EIF2AK4: variants seen among roughly 807,000 people sequenced by gnomAD.
EIF2AK4 encodes the protein eIF-2-alpha kinase GCN2.
In EIF2AK4, 139 loss-of-function variants were observed where a neutral mutation model predicts 211.1. That is an observed-to-expected ratio of 0.66 (90% CI 0.57 to 0.76). The LOEUF (loss-of-function observed/expected upper bound fraction) is 0.76, where lower values mean the gene tolerates loss of function less well. Among genes scored for constraint, EIF2AK4 ranks in the 30% least tolerant of loss-of-function variants. EIF2AK4 has a pLI of 0.00. For missense variants in EIF2AK4, 1,664 were observed against 2,043.8 expected (o/e 0.81, Z 3.58); for synonymous variants, 710 against 751.3 (o/e 0.94, Z 0.90).
rs544997641 is a variant in EIF2AK4, at chr15:39,995,141, C to T, written c.2767-1823C>T. Among the ~76,000 whole-genome samples, 98 of 152,130 alleles carry T rather than the reference C, an allele frequency of 6.4e-4. 1 individual carries two copies. Among genetic ancestry groups the T allele is most frequent in the Non-Finnish European group, 1.3e-3 (89 of 68,010 alleles). On this transcript the variant is annotated intron_variant, in intron 18 of 38. Coordinates refer to ENST00000263791, the MANE Select transcript of EIF2AK4 (RefSeq NM_001013703.4). ...ACAGGCATGAGCCACTGCACCTGGCCGTATATACATATTTTTTTAAAAAAC... is the reference window on the plus strand; with the variant it reads ...ACAGGCATGAGCCACTGCACCTGGCTGTATATACATATTTTTTTAAAAAAC...
At chr15:40,032,061 C>A in intron 35 of EIF2AK4, 108 bp from the exon 36 acceptor site, 1 of 969,376 alleles carries the variant, frequency 1.0e-6, no homozygotes. Context: ...GGAATCCTTT[C>A]TAGGCTTTGG....
Position 39,997,022 on chromosome 15 carries a change from T to C in EIF2AK4, c.2825T>C (p.Val942Ala). The C allele has an allele frequency of 5.6e-6, 9 of 1,614,102 alleles. No individual in the cohort carries two copies. The highest frequency in any genetic ancestry group is 6.8e-6 in the Non-Finnish European group (8 of 1,179,988). Residue 942 changes from valine (V) to alanine (A), a missense_variant, in exon 19 of 39, where the codon GTC (valine) becomes GCC (alanine). Val to Ala is a moderately conservative substitution (Grantham distance 64). This residue lies in a region of EIF2AK4 where 622 missense variants were observed against 796.8 expected (regional missense o/e 0.78). Transcript: ENST00000263791. ...IFFEMSYHPM[V>A]TASERIFVLN... Reference sequence around the variant, plus strand: ...TTTGAGATGTCCTATCACCCCATGGTCACGGCTTCAGAAAGGATCTTTGTT... The same window carrying C: ...TTTGAGATGTCCTATCACCCCATGGCCACGGCTTCAGAAAGGATCTTTGTT...
intron 18 of EIF2AK4, among the ~76,000 whole-genome samples, chr15:39,996,175 A>G (rs1310507726): frequency 6.6e-6 from 1 of 152,214 alleles, no homozygotes; most frequent in African/African-American, 2.4e-5. Flanking sequence ...CTATGTTGTC[A>G]CAAATGGCAA....
intron 33 of EIF2AK4, 121 bp downstream of exon 33, chr15:40,026,210 T>G: frequency 1.2e-6 from 1 of 830,970 alleles, no homozygotes; most frequent in Non-Finnish European, 1.9e-6. Context: ...ATCCCAGCAC[T>G]TTGGGAGGCC....
At chr15:39,994,836 A>G (rs1388599187) in intron 18 of EIF2AK4, among the ~76,000 whole-genome samples, 1 of 151,072 alleles carries the variant, frequency 6.6e-6, no homozygotes, top group East Asian at 2.0e-4. Context: ...CTTTAGTGTC[A>G]TTATTATTAT....
At chr15:39,982,537 C>G (rs149444920) in intron 13 of EIF2AK4, among the ~76,000 whole-genome samples, 1 of 151,656 alleles carries the variant, frequency 6.6e-6, no homozygotes, top group East Asian at 1.9e-4. Flanking sequence ...CTTTTTTTTC[C>G]TTTTTCTTTT....
chr15:39,967,355 A>G lies in EIF2AK4; in HGVS notation c.1029A>G (p.Thr343=). 6.3e-7 allele frequency: 1 copy of G among 1,591,540 alleles called. No individual in the cohort carries two copies. The stretch of plus-strand genomic sequence containing the variant: ...TTTTAACTTATCAGATTCAAGGAAC[A>G]GAAACAGAATTCAACTCACTGGTAA... ...IDKCKKQIQG[T]ETEFNSLVKL... The change falls in exon 9 of 39, where the codon ACA becomes ACG. Residue 343 remains threonine, a synonymous_variant. Transcript: ENST00000263791.
At position 40,017,140 on chromosome 15, in the gene EIF2AK4, G is replaced by A. The variant is rs1162038508; in HGVS notation, c.3963G>A (p.Val1321=). 1 of 1,613,872 alleles carries A rather than the reference G, an allele frequency of 6.2e-7. No homozygotes were observed. Among genetic ancestry groups the A allele is most frequent in the Non-Finnish European group, 8.5e-7 (1 of 1,179,918 alleles). ...TCAATTTGGGCTTGGTTTACAAGGT[G>A]CAGCAGCACAATGGAATCATCTTCC... ...VLINLGLVYK[V]QQHNGIIFQF... is the part of the protein sequence containing the mutation. Residue 1321 remains valine, a synonymous_variant, in exon 29 of 39, where the codon GTG becomes GTA. Coordinates refer to ENST00000263791, the MANE Select transcript of EIF2AK4 (RefSeq NM_001013703.4).
At chr15:39,991,912 G>T in intron 16 of EIF2AK4, 1 of 300,730 alleles carries the variant, frequency 3.3e-6, no homozygotes, top group South Asian at 1.3e-4. Flanking sequence ...AAATAAATTG[G>T]TTTCTCTAAG....
intron 29 of EIF2AK4, among the ~76,000 whole-genome samples, chr15:40,017,551 A>ATATATGTATATATATATATACATG (rs71132134): frequency 1.1e-5 from 1 of 87,094 alleles, no homozygotes; most frequent in African/African-American, 4.5e-5. Context: ...ATATATATAT[A>ATATATGTATATATATATATACATG]TATGTATTTT....
At chr15:39,953,514 G>A (rs144797055) in intron 4 of EIF2AK4, among the ~76,000 whole-genome samples, 8 of 152,270 alleles carry the variant, frequency 5.3e-5, no homozygotes, top group South Asian at 2.1e-4. Flanking sequence ...CAAGCTGACC[G>A]GGACCCCCAT....
intron 33 of EIF2AK4, chr15:40,029,198 A>T: frequency 3.7e-6 from 2 of 542,492 alleles, no homozygotes; most frequent in Non-Finnish European, 4.7e-6. Flanking sequence ...TTGTTAACTT[A>T]AAAAGACATC....
chr15:40,016,795 G>A, intron 28 of EIF2AK4, 123 bp downstream of exon 28: 1 of 1,267,612 alleles, frequency 7.9e-7, no homozygotes, highest in Non-Finnish European at 1.1e-6. Context: ...ACTGCTTTCT[G>A]TGTTTTGGAG....
chr15:39,969,729 G>C (rs982992614), intron 9 of EIF2AK4, among the ~76,000 whole-genome samples: 2 of 152,156 alleles, frequency 1.3e-5, no homozygotes, highest in African/African-American at 4.8e-5. Context: ...TGGTTTGATA[G>C]ACTGTGCTTG....
Position 40,035,074 on chromosome 15 carries a change from T to C in EIF2AK4, c.4940T>C (p.Ile1647Thr). 1 of 1,582,100 alleles carries C rather than the reference T, an allele frequency of 6.3e-7. No individual in the cohort carries two copies. The highest frequency in any genetic ancestry group is 8.6e-7 in the Non-Finnish European group (1 of 1,164,012). ...AGCTATAGAGATGACTACTACAGAA[T>C]CTTATTTTAACCCTAAAGAACTGTC... Reference protein sequence around the residue: ...LYSYRDDYYRILF With the variant: ...LYSYRDDYYRTLF Residue 1647 changes from isoleucine (I) to threonine (T), a missense_variant, in exon 39 of 39, where the codon ATC (isoleucine) becomes ACC (threonine). Ile to Thr is a moderately conservative substitution (Grantham distance 89). Coordinates refer to ENST00000263791, the MANE Select transcript of EIF2AK4 (RefSeq NM_001013703.4).
chr15:40,013,062 G>T (rs1198458046), intron 27 of EIF2AK4, among the ~76,000 whole-genome samples: 1 of 152,150 alleles, frequency 6.6e-6, no homozygotes, highest in East Asian at 1.9e-4. Flanking sequence ...AGTGCTTCTG[G>T]TAGTTTATTA....
At chr15:39,964,512 A>G (rs1247655630) in intron 7 of EIF2AK4, among the ~76,000 whole-genome samples, 1 of 152,142 alleles carries the variant, frequency 6.6e-6, no homozygotes, top group African/African-American at 2.4e-5. Flanking sequence ...ATTGCTGCTA[A>G]AATCCTACAG....
chr15:40,016,560 C>T lies in EIF2AK4; in HGVS notation c.3818C>T (p.Thr1273Ile), dbSNP rs762066935. Residue 1273 changes from threonine to isoleucine, a missense_variant, in exon 28 of 39, where the codon ACA becomes ATA. By Grantham distance (89) the Thr-to-Ile change is moderately conservative. Coordinates refer to ENST00000263791, the MANE Select transcript of EIF2AK4 (RefSeq NM_001013703.4). ...QKGDLQDLMPTINSLIKQKTG... is the reference protein window; with the variant it reads ...QKGDLQDLMPIINSLIKQKTG... ...GGAGATTTGCAAGATCTTATGCCAA[C>T]AATAAATTCATTAATAAAACAGAAA... The T allele has an allele frequency of 6.2e-6, 10 of 1,613,984 alleles. No individual in the cohort carries two copies. The South Asian group carries it at 7.7e-5, about 12-fold the overall frequency.
chr15:39,995,840 C>T (rs1433670234), intron 18 of EIF2AK4, among the ~76,000 whole-genome samples: 4 of 152,190 alleles, frequency 2.6e-5, no homozygotes, highest in Non-Finnish European at 5.9e-5. Flanking sequence ...CATCACCTCA[C>T]CTGGTTTCCA....
Sources: allele counts gnomAD v4.1 joint callset (sites outside exome capture counted in the v4.1 genomes callset), GRCh38; gene constraint gnomAD v4.1.1; regional missense constraint gnomAD v4.1.1; transcripts MANE v1.5; gene names NCBI Gene and HGNC (gene_info 2026-07-23, HGNC 2026-07-21).